SCHIP1: variants seen among roughly 807,000 people sequenced by gnomAD.
The protein encoded by SCHIP1 is schwannomin interacting protein 1.
In SCHIP1, 8 loss-of-function variants were observed where a neutral mutation model predicts 29.7. The ratio of observed to expected loss-of-function variants is 0.27; its 90% CI spans 0.16 to 0.49. The LOEUF is 0.49. Ranked by LOEUF, SCHIP1 falls within the 20% of genes least tolerant of loss-of-function variation. The probability of loss-of-function intolerance (pLI) is 0.99; values close to 1 mark genes in which losing one functional copy is unlikely to be tolerated. For synonymous variants in SCHIP1, 76 were observed against 94.9 expected, an observed-to-expected ratio of 0.80 and a Z score of 1.16; for missense variants, 193 against 294.6, an observed-to-expected ratio of 0.66 and a Z score of 2.52.
chr3:159,288,806 C>T, the SCHIP1 span, among the ~76,000 whole-genome samples: 1 of 152,326 alleles, frequency 6.6e-6, no homozygotes, highest in Admixed American at 6.5e-5. Flanking sequence ...ACCTCAAAAT[C>T]TGAACTGGCA....
At chr3:159,827,732 G>A in the SCHIP1 span, among the ~76,000 whole-genome samples, 5 of 151,320 alleles carry the variant, frequency 3.3e-5, no homozygotes, top group Admixed American at 2.0e-4. Context: ...GTGAACCCGG[G>A]AAGCGGAGCT....
At chr3:159,790,868 G>T in the SCHIP1 span, among the ~76,000 whole-genome samples, 7 of 152,238 alleles carry the variant, frequency 4.6e-5, no homozygotes, top group South Asian at 1.5e-3. Flanking sequence ...TGAAAAATGG[G>T]ATTTGTTTCT....
At chr3:159,315,320 G>C in the SCHIP1 span, among the ~76,000 whole-genome samples, 1 of 149,120 alleles carries the variant, frequency 6.7e-6, no homozygotes, top group Non-Finnish European at 1.5e-5. Context: ...TGCCTCAGCT[G>C]CCTGAGTAGC....
the SCHIP1 span, among the ~76,000 whole-genome samples, chr3:159,567,697 T>C: frequency 6.6e-6 from 1 of 152,202 alleles, no homozygotes; most frequent in South Asian, 2.1e-4. Context: ...TTGATAGCTA[T>C]GTATACATAC....
At chr3:159,461,768 A>G in the SCHIP1 span, among the ~76,000 whole-genome samples, 9 of 152,048 alleles carry the variant, frequency 5.9e-5, no homozygotes, top group African/African-American at 2.2e-4. Context: ...TTTGCTTTAT[A>G]TACATCTCTG....
the SCHIP1 span, among the ~76,000 whole-genome samples, chr3:159,678,393 T>C: frequency 6.6e-6 from 1 of 152,260 alleles, no homozygotes; most frequent in Non-Finnish European, 1.5e-5. Flanking sequence ...CAAAAAGCTC[T>C]GGTTAAACAA....
At chr3:159,488,001 G>A in the SCHIP1 span, among the ~76,000 whole-genome samples, 2,198 of 152,230 alleles carry the variant, frequency 0.014, 23 homozygotes, top group Middle Eastern at 0.027. Context: ...GTTTTCCTGG[G>A]GGCAGGAATT....
the SCHIP1 span, among the ~76,000 whole-genome samples, chr3:159,378,643 G>A: frequency 4.6e-5 from 7 of 152,178 alleles, no homozygotes; most frequent in South Asian, 2.1e-4. Flanking sequence ...TTGAACTCCC[G>A]GTATAGCACT....
the SCHIP1 span, among the ~76,000 whole-genome samples, chr3:159,712,562 A>AG: frequency 6.6e-6 from 1 of 151,782 alleles, no homozygotes; most frequent in Non-Finnish European, 1.5e-5. Context: ...ACAAAAAAAA[A>AG]AATTAATTAG....
chr3:159,601,931 T>C, the SCHIP1 span, among the ~76,000 whole-genome samples: 1 of 152,202 alleles, frequency 6.6e-6, no homozygotes, highest in Non-Finnish European at 1.5e-5. Flanking sequence ...AGAATGCTAT[T>C]CCTGTTGGCT....
the SCHIP1 span, among the ~76,000 whole-genome samples, chr3:159,385,595 A>C: frequency 8.7e-4 from 132 of 152,064 alleles, no homozygotes; most frequent in African/African-American, 3.1e-3. Flanking sequence ...AAAACCAAAA[A>C]AAAAAAAAAC....
the SCHIP1 span, among the ~76,000 whole-genome samples, chr3:159,653,205 A>C: frequency 6.6e-6 from 1 of 152,202 alleles, no homozygotes; most frequent in Non-Finnish European, 1.5e-5. Context: ...CTAGAACCAG[A>C]AATACCATTT....
chr3:159,651,346 G>GT, the SCHIP1 span, among the ~76,000 whole-genome samples: 4 of 152,008 alleles, frequency 2.6e-5, no homozygotes, highest in East Asian at 1.9e-4. Context: ...CAGCAAGGAA[G>GT]TTTTTTTTAG....
At chr3:159,889,363 G>A (rs1198347823) in intron 5 of SCHIP1, among the ~76,000 whole-genome samples, 2 of 152,176 alleles carry the variant, frequency 1.3e-5, no homozygotes, top group African/African-American at 4.8e-5. Context: ...GACTCCAGGT[G>A]GTGGAGTATG....
intron 1 of SCHIP1, among the ~76,000 whole-genome samples, chr3:159,851,634 C>T (rs892690952): frequency 3.5e-4 from 54 of 152,192 alleles, no homozygotes; most frequent in African/African-American, 1.3e-3. Flanking sequence ...ATTTAACATA[C>T]ACAGGGTCCT....
At chr3:159,700,292 A>G in the SCHIP1 span, among the ~76,000 whole-genome samples, 1 of 152,254 alleles carries the variant, frequency 6.6e-6, no homozygotes, top group Non-Finnish European at 1.5e-5. Context: ...CTATAGGACA[A>G]GTGATGCAGT....
chr3:159,408,148 A>C, the SCHIP1 span, among the ~76,000 whole-genome samples: 2 of 152,052 alleles, frequency 1.3e-5, no homozygotes, highest in Non-Finnish European at 2.9e-5. Context: ...AATACAAAAA[A>C]TTAGCCGGGC....
the SCHIP1 span, among the ~76,000 whole-genome samples, chr3:159,457,629 T>C: frequency 1.3e-5 from 2 of 152,084 alleles, no homozygotes; most frequent in South Asian, 2.1e-4. Context: ...TTCAGGAAAA[T>C]ATGACATATC....
chr3:159,593,701 G>A, the SCHIP1 span, among the ~76,000 whole-genome samples: 2 of 140,490 alleles, frequency 1.4e-5, no homozygotes, highest in African/African-American at 6.6e-5. Context: ...TAGAAGAAGA[G>A]ATCTGAAGAA....
Sources: gnomAD v4.1 joint callset for allele counts (sites outside exome capture counted in the v4.1 genomes callset) on GRCh38, gnomAD v4.1.1 for gene constraint, MANE v1.5 for transcripts, NCBI Gene and HGNC (gene_info 2026-07-23, HGNC 2026-07-21) for gene names.